The following FHIT variants were observed in gnomAD, a reference collection of about 807,000 sequenced individuals.
FHIT encodes bis(5'-adenosyl)-triphosphatase.
In FHIT, 19 loss-of-function variants were observed where a neutral mutation model predicts 17.9. The observed-to-expected ratio is 1.06, with a 90% CI of 0.74 to 1.56. The LOEUF (loss-of-function observed/expected upper bound fraction) is 1.56. Among genes scored for constraint, FHIT ranks in the 40% most tolerant of loss-of-function variants. The probability of loss-of-function intolerance (pLI) is 0.00; values close to 1 mark genes in which losing one functional copy is unlikely to be tolerated. For missense variants in FHIT, 248 were observed against 189.2 expected (o/e 1.31, Z -1.82); for synonymous variants, 81 against 69.7 (o/e 1.16, Z -0.81).
intron 4 of FHIT, among the ~76,000 whole-genome samples, chr3:60,666,864 C>T (rs9647383): frequency 9.2e-4 from 113 of 122,166 alleles, no homozygotes; most frequent in African/African-American, 3.4e-3. Flanking sequence ...CTTTTCTTTT[C>T]TTTTTTTTTT....
At chr3:60,458,538 T>C (rs530391261) in intron 5 of FHIT, among the ~76,000 whole-genome samples, 1 of 151,936 alleles carries the variant, frequency 6.6e-6, no homozygotes, top group Non-Finnish European at 1.5e-5. Flanking sequence ...TGTATACATA[T>C]GTAACTAACC....
At chr3:60,285,405 G>C (rs1195464548) in intron 5 of FHIT, among the ~76,000 whole-genome samples, 3 of 152,204 alleles carry the variant, frequency 2.0e-5, no homozygotes, top group Admixed American at 2.0e-4. Context: ...ACATTTTTAA[G>C]TTATACTATA....
intron 8 of FHIT, among the ~76,000 whole-genome samples, chr3:59,803,290 G>C (rs1194890916): frequency 6.6e-6 from 1 of 152,190 alleles, no homozygotes; most frequent in Non-Finnish European, 1.5e-5. Flanking sequence ...CCAAGTTGTA[G>C]GGACAGAAAG....
intron 5 of FHIT, among the ~76,000 whole-genome samples, chr3:60,308,073 C>G (rs918309133): frequency 6.6e-6 from 1 of 152,218 alleles, no homozygotes; most frequent in South Asian, 2.1e-4. Flanking sequence ...GGACAGTAAT[C>G]GTGCTGCACA....
chr3:59,906,587 G>A (rs1477151878), intron 8 of FHIT, among the ~76,000 whole-genome samples: 1 of 152,216 alleles, frequency 6.6e-6, no homozygotes, highest in Non-Finnish European at 1.5e-5. Context: ...TAGGCATTTA[G>A]TGGTGGAGTT....
At chr3:61,006,844 A>G (rs903474535) in intron 3 of FHIT, among the ~76,000 whole-genome samples, 1 of 152,196 alleles carries the variant, frequency 6.6e-6, no homozygotes, top group Non-Finnish European at 1.5e-5. Context: ...AAAAACTTAC[A>G]TAGTAGAAAG....
intron 5 of FHIT, among the ~76,000 whole-genome samples, chr3:60,079,195 C>T (rs906409778): frequency 1.3e-5 from 2 of 152,044 alleles, no homozygotes; most frequent in Admixed American, 6.6e-5. Context: ...CATTAGAGGG[C>T]GTTACTGTCT....
intron 8 of FHIT, among the ~76,000 whole-genome samples, chr3:59,847,933 G>A (rs1465227495): frequency 6.6e-6 from 1 of 152,144 alleles, no homozygotes; most frequent in African/African-American, 2.4e-5. Flanking sequence ...AAAAGGGAAA[G>A]AAGAAAAATT....
At chr3:60,809,195 T>G (rs1157400369) in intron 4 of FHIT, among the ~76,000 whole-genome samples, 2 of 152,210 alleles carry the variant, frequency 1.3e-5, no homozygotes, top group African/African-American at 4.8e-5. Context: ...TTTATTGACA[T>G]ATCATTAAAT....
chr3:60,707,110 G>C (rs2107924340), intron 4 of FHIT, among the ~76,000 whole-genome samples: 1 of 152,258 alleles, frequency 6.6e-6, no homozygotes, highest in Middle Eastern at 3.4e-3. Flanking sequence ...ATTTCTGTAG[G>C]CATGACTGGC....
intron 4 of FHIT, among the ~76,000 whole-genome samples, chr3:60,765,025 C>T (rs1414730573): frequency 2.0e-5 from 3 of 152,098 alleles, no homozygotes; most frequent in Non-Finnish European, 4.4e-5. Context: ...TCTCTTCTCT[C>T]AGTTGGTTAG....
chr3:61,200,868 C>G (rs746202195), intron 1 of FHIT, among the ~76,000 whole-genome samples: 1 of 152,144 alleles, frequency 6.6e-6, no homozygotes, highest in Non-Finnish European at 1.5e-5. Context: ...CACACATCTA[C>G]CCAGAATTGA....
chr3:59,954,285 A>C (rs966516353), intron 7 of FHIT, among the ~76,000 whole-genome samples: 2 of 138,080 alleles, frequency 1.4e-5, no homozygotes, highest in African/African-American at 5.6e-5. Flanking sequence ...GGCCTGATTC[A>C]TTCAGGCTTG....
chr3:60,102,392 G>A (rs755733365), intron 5 of FHIT, among the ~76,000 whole-genome samples: 5 of 152,190 alleles, frequency 3.3e-5, no homozygotes, highest in Non-Finnish European at 7.3e-5. Context: ...AGACATGGAA[G>A]CAACGAGAAA....
In FHIT at chr3:59,752,430, G is replaced by A. The variant is rs1575599838; in HGVS notation, c.349-109C>T. ...AACAAAATTTGCAAATTAGAGGCCAGTAGGTGTATCTTTTAATTGTTTCAG... is the reference window on the plus strand; with the variant it reads ...AACAAAATTTGCAAATTAGAGGCCAATAGGTGTATCTTTTAATTGTTTCAG... On this transcript the variant is annotated intron_variant, in intron 8 of 9. Transcript: ENST00000492590. The A allele has an allele frequency of 7.6e-5, 49 of 644,148 alleles. No individual in the cohort carries two copies. In the East Asian group the frequency reaches 1.3e-3, roughly 17 times the overall value. 39.9% of individuals were successfully genotyped at this position (644,148 alleles called of 1,614,324 possible).
intron 5 of FHIT, among the ~76,000 whole-genome samples, chr3:60,119,715 G>C (rs1705159809): frequency 1.3e-5 from 2 of 152,192 alleles, no homozygotes; most frequent in South Asian, 4.2e-4. Context: ...ACCACTCATT[G>C]AGTACTGGTG....
At chr3:60,715,394 G>T (rs1461417692) in intron 4 of FHIT, among the ~76,000 whole-genome samples, 1 of 152,028 alleles carries the variant, frequency 6.6e-6, no homozygotes, top group Non-Finnish European at 1.5e-5. Flanking sequence ...TGATAGACTG[G>T]ATTAAGAAAT....
At chr3:60,142,101 T>C (rs949616441) in intron 5 of FHIT, among the ~76,000 whole-genome samples, 1 of 152,202 alleles carries the variant, frequency 6.6e-6, no homozygotes, top group Admixed American at 6.5e-5. Flanking sequence ...CCTGTTATCC[T>C]TTTCTTTTAG....
chr3:60,268,281 T>C (rs1706686777), intron 5 of FHIT, among the ~76,000 whole-genome samples: 1 of 152,220 alleles, frequency 6.6e-6, no homozygotes, highest in African/African-American at 2.4e-5. Flanking sequence ...GATGTACTGT[T>C]GGGATAATTT....
Sources: gnomAD v4.1 joint callset for allele counts (sites outside exome capture counted in the v4.1 genomes callset) on GRCh38, gnomAD v4.1.1 for gene constraint, MANE v1.5 for transcripts, NCBI Gene and HGNC (gene_info 2026-07-23, HGNC 2026-07-21) for gene names.